Variants in PWP1 observed in about 807,000 individuals in gnomAD.
The protein encoded by PWP1 is periodic tryptophan protein 1 homolog.
In PWP1, 47 loss-of-function variants were observed where a neutral mutation model predicts 69.9. The observed-to-expected ratio is 0.67, with a 90% CI of 0.53 to 0.86. The LOEUF (loss-of-function observed/expected upper bound fraction) is 0.86. Among genes scored for constraint, PWP1 ranks in the 40% least tolerant of loss-of-function variants. The pLI is 0.00. For missense variants in PWP1, 551 were observed against 608.8 expected, an observed-to-expected ratio of 0.91 and a Z score of 1.00; for synonymous variants, 222 against 208.2, an observed-to-expected ratio of 1.07 and a Z score of -0.57.
At chr12:107,705,527 AC>A (rs1270314723) in intron 11 of PWP1, among the ~76,000 whole-genome samples, 1 of 65,410 alleles carries the variant, frequency 1.5e-5, no homozygotes, top group Non-Finnish European at 2.8e-5. Flanking sequence ...CCCTCCCCCC[AC>A]CCCACGACAG....
chr12:107,686,964 C>G (rs1249724090), intron 1 of PWP1, among the ~76,000 whole-genome samples: 1 of 115,754 alleles, frequency 8.6e-6, no homozygotes, highest in African/African-American at 3.1e-5. Flanking sequence ...AGTGAGACTC[C>G]GTCTCAAAAA....
At position 107,713,045 on chromosome 12, in the gene PWP1, G is replaced by A. The variant is rs546259923; in HGVS notation, c.*825G>A. On this transcript the variant is annotated 3_prime_UTR_variant, in exon 15 of 15. Transcript: ENST00000412830. ...GATATTTCCTGTATATTTCATGAAT[G>A]TGACTTCAGTCATTCTAGTGTTAAT... The A allele has an allele frequency of 6.6e-6, 1 of 152,354 alleles. No homozygotes were observed. Among genetic ancestry groups the A allele is most frequent in the African/African-American group, 2.4e-5 (1 of 41,580 alleles). 9.4% of individuals were successfully genotyped at this position (152,354 alleles called of 1,614,324 possible).
intron 3 of PWP1, among the ~76,000 whole-genome samples, chr12:107,691,992 G>A (rs1401852285): frequency 6.6e-6 from 1 of 152,176 alleles, no homozygotes; most frequent in Non-Finnish European, 1.5e-5. Context: ...ATACAGTCCA[G>A]CAGAGGATAG....
chr12:107,696,531 ATCC>A lies in PWP1; in HGVS notation c.563_565del (p.Pro188del), dbSNP rs1889593594. ...CACCATGATATACTCTTGTCTGCAT[ATCC>A]TCTGAGTGTGGAATGGCTGAATTTT... On this transcript the variant is annotated inframe_deletion, in exon 6 of 15. Transcript: ENST00000412830. The A allele has an allele frequency of 6.2e-7, 1 of 1,614,038 alleles. No individual in the cohort carries two copies. The highest frequency in any genetic ancestry group is 1.1e-5 in the South Asian group (1 of 91,090).
chr12:107,704,541 G>T, intron 10 of PWP1, 95 bp from the exon 11 acceptor site: 1 of 807,600 alleles, frequency 1.2e-6, no homozygotes, highest in South Asian at 1.9e-5. Flanking sequence ...AATGAATCTT[G>T]ATTTCACAGT....
chr12:107,687,237 G>A (rs1889388565), intron 1 of PWP1, among the ~76,000 whole-genome samples: 1 of 152,188 alleles, frequency 6.6e-6, no homozygotes, highest in Non-Finnish European at 1.5e-5. Context: ...TGTTTCTCCA[G>A]GGTTTGGTTG....
intron 1 of PWP1, 58 bp downstream of exon 1, chr12:107,686,029 G>T (rs1386823870): frequency 6.4e-7 from 1 of 1,571,986 alleles, no homozygotes; most frequent in East Asian, 2.3e-5. Flanking sequence ...CTGGGGGTCC[G>T]CCCAGCTGGG....
chr12:107,703,116 C>G, intron 9 of PWP1, 85 bp downstream of exon 9: 1 of 976,104 alleles, frequency 1.0e-6, no homozygotes, highest in Admixed American at 2.1e-5. Context: ...TTATATATGG[C>G]TTTGAAAATA....
chr12:107,712,021 T>C (rs1889962051), intron 14 of PWP1, 90 bp from the exon 15 acceptor site: 1 of 1,024,140 alleles, frequency 9.8e-7, no homozygotes, highest in South Asian at 1.4e-5. Flanking sequence ...TATAAAGTAC[T>C]AAGTGCACAA....
chr12:107,694,560 C>T (rs1889545969), intron 5 of PWP1, among the ~76,000 whole-genome samples: 1 of 152,172 alleles, frequency 6.6e-6, no homozygotes, highest in Admixed American at 6.5e-5. Context: ...ATAGCAGGCA[C>T]TTTAATGTGA....
rs61730727 is a variant in PWP1 at position 107,702,941 on chromosome 12, T to C, written c.813T>C (p.Val271=). 0.01 allele frequency: 16,582 copies of C among 1,601,942 alleles called. 1,494 individuals carry two copies. In the African/African-American group the frequency reaches 0.19, roughly 19 times the overall value. Residue 271 remains valine, a synonymous_variant, in exon 9 of 15, where the codon GTT becomes GTC. Transcript: ENST00000412830. Reference sequence around the variant, plus strand: ...GGATTCTTCCCTTTCTCAGAAATGTTTTAGCAAGTGCATCAGCTGACAACA... The same window carrying C: ...GGATTCTTCCCTTTCTCAGAAATGTCTTAGCAAGTGCATCAGCTGACAACA... ...DLSWNKLIRN[V]LASASADNTV...
At position 107,704,641 on chromosome 12, in the gene PWP1, T is replaced by C; in HGVS notation, c.971T>C (p.Val324Ala). 6.2e-7 allele frequency: 1 copy of C among 1,613,814 alleles called. No homozygotes were observed. The highest frequency in any genetic ancestry group is 8.5e-7 in the Non-Finnish European group (1 of 1,179,772). ...TLISGSYDKS[V>A]ALYDCRSPDE... ...CTTTGCCTGAATGTGTCTAGGTCAG[T>C]GGCTTTGTATGACTGCCGAAGTCCA... is the stretch of plus-strand genomic sequence containing the variant. Residue 324 changes from valine to alanine, a missense_variant, in exon 11 of 15, where the codon GTG becomes GCG. Physicochemically the swap from Val to Ala is moderately conservative, Grantham distance 64 (BLOSUM62 0). Transcript: ENST00000412830.
intron 2 of PWP1, 53 bp downstream of exon 2, chr12:107,688,559 T>A (rs1164968383): frequency 6.2e-7 from 1 of 1,610,110 alleles, no homozygotes; most frequent in Non-Finnish European, 8.5e-7. Flanking sequence ...GACCATGTGG[T>A]CTTGTTATTA....
chr12:107,705,060 T>C (rs1335596601), intron 11 of PWP1, among the ~76,000 whole-genome samples: 2 of 152,148 alleles, frequency 1.3e-5, no homozygotes, highest in Non-Finnish European at 1.5e-5. Context: ...TTTTTTTTAA[T>C]GGCTAAATCA....
Position 107,710,400 on chromosome 12 carries a change from T to C in PWP1, c.1291-5T>C. ...GAAATCACCATCTTCCTGTTCTCTCTCTAGGGAGTTCTCTTCTGTTCTTCA... is the reference window on the plus strand; with the variant it reads ...GAAATCACCATCTTCCTGTTCTCTCCCTAGGGAGTTCTCTTCTGTTCTTCA... On this transcript the variant is annotated splice_polypyrimidine_tract_variant and splice_region_variant and intron_variant, in intron 13 of 14. Coordinates refer to ENST00000412830, the MANE Select transcript of PWP1 (RefSeq NM_007062.3). The C allele has an allele frequency of 6.2e-7, 1 of 1,612,892 alleles. No individual in the cohort carries two copies.
intron 8 of PWP1, among the ~76,000 whole-genome samples, chr12:107,701,457 C>T (rs1437704182): frequency 6.6e-6 from 1 of 152,092 alleles, no homozygotes; most frequent in East Asian, 1.9e-4. Flanking sequence ...ATGGTGTCTA[C>T]TTTATTTCTT....
Position 107,699,452 on chromosome 12 carries a change from T to C in PWP1, c.806+18T>C, listed in dbSNP as rs1889660786. On this transcript the variant is annotated intron_variant, in intron 8 of 14. Transcript: ENST00000412830. ...CTAATCAGGTAAAAAGAAATAACATTTGAATGATTGTAAAAGACTGTAGCC... is the reference window on the plus strand; with the variant it reads ...CTAATCAGGTAAAAAGAAATAACATCTGAATGATTGTAAAAGACTGTAGCC... 1.3e-6 allele frequency: 2 copies of C among 1,595,236 alleles called. No homozygotes were observed. The highest frequency in any genetic ancestry group is 2.7e-5 in the African/African-American group (2 of 74,534).
intron 1 of PWP1, among the ~76,000 whole-genome samples, chr12:107,686,902 C>CT (rs1393473583): frequency 7.2e-6 from 1 of 138,794 alleles, no homozygotes; most frequent in Admixed American, 8.0e-5. Context: ...GGAGGCGGAG[C>CT]TTGCAGTGAG....
intron 1 of PWP1, 142 bp downstream of exon 1, chr12:107,686,113 C>A (rs537394120): frequency 2.4e-6 from 2 of 849,948 alleles, no homozygotes; most frequent in South Asian, 1.6e-5. Flanking sequence ...CCCGGATTGT[C>A]GCGACTAGAG....
Sources: allele counts gnomAD v4.1 joint callset (sites outside exome capture counted in the v4.1 genomes callset), GRCh38; gene constraint gnomAD v4.1.1; transcripts MANE v1.5; gene names NCBI Gene and HGNC (gene_info 2026-07-23, HGNC 2026-07-21).